ZNF717: variants seen among roughly 807,000 people sequenced by gnomAD.
ZNF717 encodes the protein krueppel-like factor X17.
ZNF717 carries 9 observed loss-of-function variants against 13.8 expected under a neutral mutation model. The observed-to-expected ratio is 0.65, with a 90% CI of 0.39 to 1.14. The LOEUF (loss-of-function observed/expected upper bound fraction) is 1.14, where lower values mean the gene tolerates loss of function less well. Among genes scored for constraint, ZNF717 ranks in the 50% most tolerant of loss-of-function variants. The pLI is 0.01. For synonymous variants in ZNF717, 327 were observed against 364.1 expected, an observed-to-expected ratio of 0.90 and a Z score of 1.16; for missense variants, 1,040 against 1,080.7, an observed-to-expected ratio of 0.96 and a Z score of 0.53.
At chr3:75,701,472 C>A (rs1377118484) in intron 6 of ZNF717, among the ~76,000 whole-genome samples, 398 of 152,306 alleles carry the variant, frequency 2.6e-3, no homozygotes, top group African/African-American at 8.1e-3. Flanking sequence ...AGTTCAAGAC[C>A]AGCCTGGCCA....
At chr3:75,696,764 G>C in intron 6 of ZNF717, among the ~76,000 whole-genome samples, 1 of 152,308 alleles carries the variant, frequency 6.6e-6, no homozygotes, top group Non-Finnish European at 1.5e-5. Context: ...ACGGTGGTGG[G>C]TGCCTGTAAT....
intron 2 of ZNF717, among the ~76,000 whole-genome samples, chr3:75,750,541 T>G (rs1941664889): frequency 6.6e-6 from 1 of 151,842 alleles, no homozygotes; most frequent in African/African-American, 2.4e-5. Flanking sequence ...TGCTGGGTTC[T>G]GAGGGTTTGC....
chr3:75,702,952 T>C, intron 6 of ZNF717, among the ~76,000 whole-genome samples: 1 of 152,310 alleles, frequency 6.6e-6, no homozygotes, highest in Non-Finnish European at 1.5e-5. Context: ...GGATTTTTAA[T>C]CCTAAGCCAT....
chr3:75,747,363 C>G lies in ZNF717; in HGVS notation c.58-5627G>C, dbSNP rs1244701772. 2.0e-5 allele frequency among the ~76,000 whole-genome samples: 3 copies of G among 152,020 alleles called. No individual in the cohort carries two copies. The South Asian group carries it at 6.2e-4, about 32-fold the overall frequency. On this transcript the variant is annotated intron_variant, in intron 2 of 4. Coordinates refer to ENST00000652011, the MANE Select transcript of ZNF717 (RefSeq NM_001290208.3). ...TGTGGGCTCTTTTTTGGTTCTATAT[C>G]AACTTTAAAGTAGTTTTTTCCAATT...
chr3:75,782,149 G>C (rs1261911719), intron 2 of ZNF717, among the ~76,000 whole-genome samples: 2 of 152,164 alleles, frequency 1.3e-5, no homozygotes, highest in East Asian at 1.9e-4. Context: ...ACTCGAGTAA[G>C]GCAATCACAG....
chr3:75,771,987 C>T (rs1167450016), intron 2 of ZNF717, among the ~76,000 whole-genome samples: 1 of 152,254 alleles, frequency 6.6e-6, no homozygotes, highest in Non-Finnish European at 1.5e-5. Flanking sequence ...TGCTGACATG[C>T]CAGCCCCCTG....
intron 2 of ZNF717, among the ~76,000 whole-genome samples, chr3:75,748,734 C>T (rs1361191382): frequency 1.3e-5 from 2 of 152,176 alleles, no homozygotes; most frequent in African/African-American, 4.8e-5. Context: ...CAGCCAATAT[C>T]ATACTGAATG....
exon 6 of ZNF717, chr3:75,730,563 G>A (rs1182295412): frequency 2.9e-6 from 2 of 699,542 alleles, no homozygotes; most frequent in Admixed American, 4.1e-5. Flanking sequence ...CCATACGTAG[G>A]GATGTCCAAT....
chr3:75,758,305 G>A (rs1391835141), intron 2 of ZNF717, among the ~76,000 whole-genome samples: 3 of 150,270 alleles, frequency 2.0e-5, no homozygotes, highest in South Asian at 2.1e-4. Context: ...GGGAGAAAAC[G>A]TGAGTGGATG....
At chr3:75,741,840 G>A (rs1940506220) in intron 2 of ZNF717, 104 bp from the exon 3 acceptor site, 14 of 1,464,632 alleles carry the variant, frequency 9.6e-6, no homozygotes, top group Non-Finnish European at 1.3e-5. Context: ...GAAGTGCACA[G>A]CCACATCTTC....
exon 6 of ZNF717, chr3:75,709,643 GTA>G (rs1482484175): frequency 6.6e-6 from 1 of 151,890 alleles, no homozygotes; most frequent in Non-Finnish European, 1.5e-5. Flanking sequence ...TTTTTTTTTT[GTA>G]TAACGTTGTC....
intron 2 of ZNF717, among the ~76,000 whole-genome samples, chr3:75,774,622 T>C (rs1448698005): frequency 7.1e-6 from 1 of 140,294 alleles, no homozygotes; most frequent in East Asian, 2.0e-4. Context: ...TTTTTTTTTT[T>C]TTTTTTTTTT....
intron 3 of ZNF717, 75 bp downstream of exon 3, chr3:75,741,535 T>A (rs2107191220): frequency 6.6e-7 from 1 of 1,508,724 alleles, no homozygotes; most frequent in South Asian, 1.2e-5. Context: ...GTAAATATTA[T>A]TATACCTTAA....
chr3:75,713,771 C>T (rs553194139), intron 5 of ZNF717, among the ~76,000 whole-genome samples: 5 of 152,018 alleles, frequency 3.3e-5, no homozygotes, highest in Non-Finnish European at 7.4e-5. Flanking sequence ...GAAGAAAAGA[C>T]AGCTGGGCCC....
At chr3:75,775,769 T>C (rs575153033) in intron 2 of ZNF717, among the ~76,000 whole-genome samples, 99 of 151,524 alleles carry the variant, frequency 6.5e-4, no homozygotes, top group African/African-American at 2.3e-3. Flanking sequence ...GGAGAATCGC[T>C]TGAACGCAGG....
downstream of ZNF717, among the ~76,000 whole-genome samples, chr3:75,731,742 C>A (rs76619083): frequency 6.6e-6 from 1 of 151,208 alleles, no homozygotes; most frequent in Non-Finnish European, 1.5e-5. Flanking sequence ...GTGAGACCCC[C>A]AACTCTAAAA....
intron 2 of ZNF717, among the ~76,000 whole-genome samples, chr3:75,782,372 G>C (rs1944884936): frequency 6.6e-6 from 1 of 152,226 alleles, no homozygotes; most frequent in African/African-American, 2.4e-5. Context: ...CAGTTCTCAA[G>C]ATGTTCCAGG....
intron 2 of ZNF717, among the ~76,000 whole-genome samples, chr3:75,747,898 C>G (rs961165861): frequency 6.6e-6 from 1 of 152,016 alleles, no homozygotes; most frequent in African/African-American, 2.4e-5. Context: ...ATCAATGAAT[C>G]CAGGAGCTGG....
chr3:75,718,326 G>T (rs1163931045), intron 4 of ZNF717, among the ~76,000 whole-genome samples: 1 of 152,088 alleles, frequency 6.6e-6, no homozygotes, highest in Admixed American at 6.5e-5. Context: ...AAGACATTCG[G>T]CTGGGCTCCT....
Sources: gnomAD v4.1 joint callset for allele counts (sites outside exome capture counted in the v4.1 genomes callset) on GRCh38, gnomAD v4.1.1 for gene constraint, MANE v1.5 for transcripts, NCBI Gene and HGNC (gene_info 2026-07-23, HGNC 2026-07-21) for gene names.